The following STXBP5L variants were observed in gnomAD, a reference collection of about 807,000 sequenced individuals.
STXBP5L encodes syntaxin binding protein 5L.
In STXBP5L, 65 loss-of-function variants were observed where a neutral mutation model predicts 144.5. The observed-to-expected ratio is 0.45, with a 90% CI of 0.37 to 0.55. The LOEUF (loss-of-function observed/expected upper bound fraction) is 0.55. Ranked by LOEUF, STXBP5L falls within the 20% of genes least tolerant of loss-of-function variation. The probability of loss-of-function intolerance (pLI) is 0.00; values close to 1 mark genes in which losing one functional copy is unlikely to be tolerated. For synonymous variants in STXBP5L, 505 were observed against 469.6 expected (o/e 1.08, Z -0.97); for missense variants, 1,298 against 1,405.5 (o/e 0.92, Z 1.22).
At chr3:121,143,983 T>C (rs888995532) in intron 7 of STXBP5L, among the ~76,000 whole-genome samples, 10 of 151,534 alleles carry the variant, frequency 6.6e-5, no homozygotes, top group African/African-American at 2.2e-4. Flanking sequence ...AAAATAAACA[T>C]GTAGGACAAG....
At chr3:121,013,988 T>G (rs1187781777) in intron 3 of STXBP5L, among the ~76,000 whole-genome samples, 1 of 152,116 alleles carries the variant, frequency 6.6e-6, no homozygotes, top group Non-Finnish European at 1.5e-5. Flanking sequence ...TTCTGTTCCA[T>G]TGGTCTGTAT....
At chr3:121,244,989 T>C (rs1296361915) in intron 14 of STXBP5L, among the ~76,000 whole-genome samples, 3 of 152,090 alleles carry the variant, frequency 2.0e-5, no homozygotes, top group Non-Finnish European at 4.4e-5. Flanking sequence ...ATACAAAAAC[T>C]TAAAAGCTCT....
chr3:120,996,219 C>G (rs1943335733), intron 3 of STXBP5L, among the ~76,000 whole-genome samples: 1 of 151,666 alleles, frequency 6.6e-6, no homozygotes. Flanking sequence ...TATGATGTGC[C>G]TTGGCATGCA....
intron 22 of STXBP5L, among the ~76,000 whole-genome samples, chr3:121,397,759 G>T: frequency 6.6e-6 from 1 of 152,230 alleles, no homozygotes; most frequent in South Asian, 2.1e-4. Flanking sequence ...AAATTTATAG[G>T]TACAGAAATT....
intron 7 of STXBP5L, among the ~76,000 whole-genome samples, chr3:121,148,795 A>G (rs958818118): frequency 1.3e-5 from 2 of 152,128 alleles, no homozygotes; most frequent in African/African-American, 4.8e-5. Context: ...ATATGTATTT[A>G]CCAAAAGATA....
chr3:121,350,511 G>T (rs1224585487), intron 20 of STXBP5L, among the ~76,000 whole-genome samples: 2 of 152,124 alleles, frequency 1.3e-5, no homozygotes, highest in African/African-American at 4.8e-5. Flanking sequence ...GGCCTGTCTT[G>T]CTAGATTGGG....
chr3:121,091,383 A>G (rs1343886090), intron 5 of STXBP5L, among the ~76,000 whole-genome samples: 1 of 150,758 alleles, frequency 6.6e-6, no homozygotes, highest in African/African-American at 2.5e-5. Flanking sequence ...GAACTAGTTT[A>G]CAGTCCCACC....
At chr3:121,368,361 A>G (rs2045929160) in intron 20 of STXBP5L, among the ~76,000 whole-genome samples, 1 of 151,342 alleles carries the variant, frequency 6.6e-6, no homozygotes, top group African/African-American at 2.4e-5. Context: ...TGATATTTAT[A>G]TTTTGTTCAT....
chr3:121,053,531 C>G (rs1279782974), intron 5 of STXBP5L, among the ~76,000 whole-genome samples: 2 of 152,154 alleles, frequency 1.3e-5, no homozygotes, highest in African/African-American at 4.8e-5. Flanking sequence ...GGAAAACTGG[C>G]TAGACATGTG....
At chr3:121,397,213 C>T (rs1010430820) in intron 22 of STXBP5L, among the ~76,000 whole-genome samples, 38 of 152,272 alleles carry the variant, frequency 2.5e-4, no homozygotes, top group East Asian at 5.8e-4. Flanking sequence ...AGTAAAGAAA[C>T]GGTCTTTTAA....
intron 3 of STXBP5L, among the ~76,000 whole-genome samples, chr3:120,969,550 A>G (rs1469165949): frequency 6.6e-6 from 1 of 151,432 alleles, no homozygotes; most frequent in Non-Finnish European, 1.5e-5. Flanking sequence ...TTTTTAGTTT[A>G]ATTAGGTCCC....
chr3:121,171,709 CAAAT>C (rs1254108827), intron 9 of STXBP5L, among the ~76,000 whole-genome samples: 2 of 152,210 alleles, frequency 1.3e-5, no homozygotes, highest in African/African-American at 4.8e-5. Context: ...AGAACACAAA[CAAAT>C]GGAAAAGCAT....
At chr3:120,997,888 T>C (rs1463129418) in intron 3 of STXBP5L, among the ~76,000 whole-genome samples, 4 of 152,130 alleles carry the variant, frequency 2.6e-5, no homozygotes, top group Non-Finnish European at 4.4e-5. Context: ...TCCACTAAGA[T>C]CAAATACACT....
At chr3:121,192,481 C>A (rs1263912282) in intron 9 of STXBP5L, among the ~76,000 whole-genome samples, 1 of 152,104 alleles carries the variant, frequency 6.6e-6, no homozygotes, top group African/African-American at 2.4e-5. Flanking sequence ...CTTTAAAGTT[C>A]ATATGGAACC....
At chr3:121,266,313 G>T (rs1303545882) in intron 18 of STXBP5L, among the ~76,000 whole-genome samples, 1 of 152,158 alleles carries the variant, frequency 6.6e-6, no homozygotes, top group Non-Finnish European at 1.5e-5. Context: ...GGGATGCAAG[G>T]TTGCTTCAAC....
chr3:121,246,043 C>A (rs942742006), intron 14 of STXBP5L, among the ~76,000 whole-genome samples: 4 of 152,082 alleles, frequency 2.6e-5, no homozygotes, highest in African/African-American at 9.7e-5. Context: ...GGCCAGGGGT[C>A]CACAACCCCT....
intron 22 of STXBP5L, among the ~76,000 whole-genome samples, chr3:121,400,524 A>G (rs1016977943): frequency 2.6e-5 from 4 of 152,148 alleles, no homozygotes; most frequent in African/African-American, 9.7e-5. Flanking sequence ...CCCCTCTTCT[A>G]TGGTTTGAGG....
rs569950023 is a variant in STXBP5L, at chr3:121,379,135, A to G, written c.2347+249A>G. Among the ~76,000 whole-genome samples the G allele has an allele frequency of 2.8e-4, 42 of 152,154 alleles. 1 individual carries two copies. In the South Asian group the frequency reaches 8.7e-3, roughly 32 times the overall value. On this transcript the variant is annotated intron_variant, in intron 21 of 26. Coordinates refer to ENST00000471454, the MANE Select transcript of STXBP5L (RefSeq NM_001308330.2). ...TACCCCCTCCTCTGTACAAAGGGAGACCTATGCCTAAATCTGTTCCCTACC... is the reference window on the plus strand; with the variant it reads ...TACCCCCTCCTCTGTACAAAGGGAGGCCTATGCCTAAATCTGTTCCCTACC...
At chr3:121,336,070 A>G (rs1171414940) in intron 20 of STXBP5L, among the ~76,000 whole-genome samples, 3 of 152,198 alleles carry the variant, frequency 2.0e-5, no homozygotes, top group African/African-American at 7.2e-5. Context: ...AGCAAATTAC[A>G]AAAGCAAACA....
Sources: gnomAD v4.1 joint callset for allele counts (sites outside exome capture counted in the v4.1 genomes callset) on GRCh38, gnomAD v4.1.1 for gene constraint, MANE v1.5 for transcripts, NCBI Gene and HGNC (gene_info 2026-07-23, HGNC 2026-07-21) for gene names.